ZNF148: variants seen among roughly 807,000 people sequenced by gnomAD.
ZNF148 encodes the protein zinc finger protein 148.
In ZNF148, 7 loss-of-function variants were observed where a neutral mutation model predicts 67.7. The observed-to-expected ratio is 0.10, with a 90% CI of 0.06 to 0.19. The LOEUF (loss-of-function observed/expected upper bound fraction) is 0.19. ZNF148 is among the 10% of genes least tolerant of loss of function. ZNF148 has a pLI of 1.00. For missense variants in ZNF148, 583 were observed against 947.1 expected (o/e 0.62, Z 5.05); for synonymous variants, 333 against 330.7 (o/e 1.01, Z -0.08).
Position 125,233,945 on chromosome 3 carries a change from G to T in ZNF148, c.787-6C>A. ...CGATCTGTTCTGGAAAAATACTGTTGAATTCAGAGGATGGTAGTGGGTTGT... is the reference window on the plus strand; with the variant it reads ...CGATCTGTTCTGGAAAAATACTGTTTAATTCAGAGGATGGTAGTGGGTTGT... On this transcript the variant is annotated splice_region_variant and splice_polypyrimidine_tract_variant and intron_variant, in intron 8 of 8. Transcript: ENST00000360647. The surrounding 1 kb of genome is among the most constrained non-coding windows in gnomAD (Gnocchi z 5.1). 3 of 1,581,132 alleles carry T rather than the reference G, an allele frequency of 1.9e-6. No homozygotes were observed. In the South Asian group the frequency reaches 3.5e-5, roughly 19 times the overall value.
At chr3:125,362,577 C>T (rs13086821) in intron 1 of ZNF148, among the ~76,000 whole-genome samples, 114,224 of 150,662 alleles carry the variant, frequency 0.76, 43,857 homozygotes, top group African/African-American at 0.85. Context: ...TTTTTTGAGA[C>T]GGGCTCTTAC....
rs752542874 is a variant in ZNF148, at chr3:125,317,662, T to TATAGAGAG, written c.-16-4007_-16-4006insCTCTCTAT. Reference sequence around the variant, plus strand: ...GATCTTTTATATATATATATATATATAGAGAGAGAGAGAGAGAAATACATA... The same window carrying TATAGAGAG: ...GATCTTTTATATATATATATATATATATAGAGAGAGAGAGAGAGAGAGAGAAATACATA... On this transcript the variant is annotated intron_variant, in intron 3 of 8. Transcript: ENST00000360647. Among the ~76,000 whole-genome samples, 140 of 90,048 alleles carry TATAGAGAG rather than the reference T, an allele frequency of 1.6e-3. 2 individuals are homozygous for TATAGAGAG. The East Asian group carries it at 0.016, about 11-fold the overall frequency. 59.1% of individuals were successfully genotyped at this position (90,048 alleles called of 152,430 possible).
At chr3:125,364,686 T>C (rs1017840135) in intron 1 of ZNF148, among the ~76,000 whole-genome samples, 3 of 152,172 alleles carry the variant, frequency 2.0e-5, no homozygotes, top group African/African-American at 4.8e-5. Context: ...AGCTTGGAAA[T>C]GGCACATGAG....
At chr3:125,278,972 C>T in intron 6 of ZNF148, 152 bp downstream of exon 6, 1 of 772,040 alleles carries the variant, frequency 1.3e-6, no homozygotes, top group African/African-American at 1.8e-5. Context: ...AGAGTTTTTC[C>T]TGGTTTCCTT....
Position 125,258,142 on chromosome 3 carries a change from G to A in ZNF148, c.667+19584C>T, listed in dbSNP as rs932661743. Among the ~76,000 whole-genome samples the A allele has an allele frequency of 2.0e-5, 3 of 151,906 alleles. No homozygotes were observed. The East Asian group carries it at 5.8e-4, about 29-fold the overall frequency. On this transcript the variant is annotated intron_variant, in intron 7 of 8. Coordinates refer to ENST00000360647, the MANE Select transcript of ZNF148 (RefSeq NM_021964.3). ...TTTTTTAAAGAGATAGCATCTTCCA[G>A]CTGGGTGCGGTGGCTCACGCCTGTA...
intron 7 of ZNF148, among the ~76,000 whole-genome samples, chr3:125,250,673 A>G (rs772628935): frequency 2.0e-4 from 30 of 152,182 alleles, no homozygotes; most frequent in Admixed American, 3.3e-4. Context: ...CAGCAGTTGG[A>G]ATAAGTTGAA....
At position 125,337,938 on chromosome 3, in the gene ZNF148, CA is replaced by C. The variant is rs200090083; in HGVS notation, c.-233-6701del. On this transcript the variant is annotated intron_variant, in intron 1 of 8. Transcript: ENST00000360647. ...AGAACATAGTGAGACCCCAGCTCTACAAAAAAAAAAAATTTTTTTTGTTAGC... is the reference window on the plus strand; with the variant it reads ...AGAACATAGTGAGACCCCAGCTCTACAAAAAAAAAAATTTTTTTTGTTAGC... 2.8e-5 allele frequency among the ~76,000 whole-genome samples: 4 copies of C among 144,450 alleles called. No individual in the cohort carries two copies. The South Asian group carries it at 6.5e-4, about 23-fold the overall frequency. The allele number at this position is 144,450 out of a possible 152,430, so 94.8% of individuals were successfully genotyped here.
rs1935968732 is a variant in ZNF148 at position 125,233,959 on chromosome 3, G to A, written c.787-20C>T. 11 of 1,553,680 alleles carry A rather than the reference G, an allele frequency of 7.1e-6. No homozygotes were observed. The highest frequency in any genetic ancestry group is 8.6e-6 in the Non-Finnish European group (10 of 1,159,242). ...AAAATACTGTTGAATTCAGAGGATG[G>A]TAGTGGGTTGTTTGTGGTTTTGGTC... On this transcript the variant is annotated intron_variant, in intron 8 of 8. Transcript: ENST00000360647. This position sits in a 1 kb window ranked among gnomAD's most constrained non-coding sequence, Gnocchi z 5.1.
At chr3:125,300,093 T>C (rs1442069037) in intron 4 of ZNF148, among the ~76,000 whole-genome samples, 2 of 152,174 alleles carry the variant, frequency 1.3e-5, no homozygotes, top group African/African-American at 2.4e-5. Flanking sequence ...TGCCTCAGCC[T>C]CCTGAGTAGC....
At chr3:125,251,270 C>T (rs1936828606) in intron 7 of ZNF148, among the ~76,000 whole-genome samples, 1 of 152,186 alleles carries the variant, frequency 6.6e-6, no homozygotes, top group African/African-American at 2.4e-5. Flanking sequence ...TCTAATACCA[C>T]AAATTAGTTT....
intron 7 of ZNF148, among the ~76,000 whole-genome samples, chr3:125,249,491 T>A (rs551671758): frequency 6.6e-6 from 1 of 152,144 alleles, no homozygotes; most frequent in Non-Finnish European, 1.5e-5. Context: ...CCTGTTAGGA[T>A]GGCTATTATC....
intron 6 of ZNF148, among the ~76,000 whole-genome samples, chr3:125,278,255 C>CT (rs1938180661): frequency 6.6e-6 from 1 of 152,138 alleles, no homozygotes; most frequent in East Asian, 1.9e-4. Flanking sequence ...CTAAACATCC[C>CT]TTTTTTAAAA....
chr3:125,347,146 A>C (rs576250767), intron 1 of ZNF148, among the ~76,000 whole-genome samples: 1 of 152,354 alleles, frequency 6.6e-6, no homozygotes, highest in South Asian at 2.1e-4. Context: ...AAACAGGTAC[A>C]AGACATGTAC....
At chr3:125,352,068 A>T (rs1262547050) in intron 1 of ZNF148, among the ~76,000 whole-genome samples, 1 of 152,140 alleles carries the variant, frequency 6.6e-6, no homozygotes, top group Non-Finnish European at 1.5e-5. Flanking sequence ...AAATGAAAAC[A>T]AATGTTCACA....
intron 7 of ZNF148, among the ~76,000 whole-genome samples, chr3:125,269,808 A>G (rs1367083086): frequency 1.3e-5 from 2 of 152,214 alleles, no homozygotes; most frequent in Non-Finnish European, 1.5e-5. Context: ...TTGCAGAAAC[A>G]TGGATGCAGC....
intron 7 of ZNF148, among the ~76,000 whole-genome samples, chr3:125,258,198 G>A (rs543755278): frequency 1.3e-5 from 2 of 151,848 alleles, no homozygotes; most frequent in African/African-American, 4.8e-5. Flanking sequence ...CAAGGTGGGC[G>A]GATCATGAGG....
In ZNF148 at chr3:125,232,389, A is replaced by C. The variant is rs746455761; in HGVS notation, c.2337T>G (p.Ala779=). The C allele has an allele frequency of 1.2e-6, 2 of 1,611,402 alleles. No homozygotes were observed. The highest frequency in any genetic ancestry group is 2.2e-5 in the South Asian group (2 of 91,006). ...FPLVNVNDNR[A]GMTSSPDATT... ...TGGCATCAGGTGAAGATGTCATCCC[A>C]GCTCTATTATCATTTACATTCACCA... The change falls in exon 9 of 9, where the codon GCT becomes GCG. Residue 779 remains alanine (A), a synonymous_variant. Coordinates refer to ENST00000360647, the MANE Select transcript of ZNF148 (RefSeq NM_021964.3). The surrounding 1 kb of genome is among the most constrained non-coding windows in gnomAD (Gnocchi z 4.2).
At chr3:125,262,987 C>T (rs1024135380) in intron 7 of ZNF148, among the ~76,000 whole-genome samples, 4 of 152,218 alleles carry the variant, frequency 2.6e-5, no homozygotes, top group Admixed American at 6.5e-5. Flanking sequence ...TTCTGTTCCA[C>T]ATGTATTTTT....
rs560329554 is a variant in ZNF148 at position 125,305,640 on chromosome 3, T to C, written c.333+7668A>G. On this transcript the variant is annotated intron_variant, in intron 4 of 8. Coordinates refer to ENST00000360647, the MANE Select transcript of ZNF148 (RefSeq NM_021964.3). ...TAGCCTGGGCAACATAGTGAGACTC[T>C]GTCTCTACAAAAAAATTTTAAAATA... Among the ~76,000 whole-genome samples, 6 of 151,992 alleles carry C rather than the reference T, an allele frequency of 3.9e-5. No individual in the cohort carries two copies. In the East Asian group the frequency reaches 1.2e-3, roughly 29 times the overall value.
Sources: gnomAD v4.1 joint callset for allele counts (sites outside exome capture counted in the v4.1 genomes callset) on GRCh38, gnomAD v4.1.1 for gene constraint, Gnocchi (gnomAD v3.1) non-coding constraint, MANE v1.5 for transcripts, NCBI Gene and HGNC (gene_info 2026-07-23, HGNC 2026-07-21) for gene names.